Variants in SCAMP1 observed in about 807,000 individuals in gnomAD.
SCAMP1 encodes secretory carrier membrane protein 1.
A neutral mutation model predicts 41.8 loss-of-function variants in SCAMP1; 15 were observed. The ratio of observed to expected loss-of-function variants is 0.36; its 90% CI spans 0.24 to 0.55. The LOEUF (loss-of-function observed/expected upper bound fraction) is 0.55, where lower values mean the gene tolerates loss of function less well. Among genes scored for constraint, SCAMP1 ranks in the 20% least tolerant of loss-of-function variants. SCAMP1 has a pLI of 0.86. For missense variants in SCAMP1, 341 were observed against 412.6 expected (o/e 0.83, Z 1.50); for synonymous variants, 135 against 136.8 (o/e 0.99, Z 0.09).
At chr5:78,427,214 A>G (rs542650345) in intron 6 of SCAMP1, among the ~76,000 whole-genome samples, 1 of 152,296 alleles carries the variant, frequency 6.6e-6, no homozygotes, top group South Asian at 2.1e-4. Flanking sequence ...ATGTGAGTAG[A>G]GATCATGTGG....
chr5:78,377,786 T>C lies in SCAMP1; in HGVS notation c.58-11051T>C, dbSNP rs537192257. 1.1e-4 allele frequency among the ~76,000 whole-genome samples: 17 copies of C among 152,312 alleles called. No homozygotes were observed. In the East Asian group the frequency reaches 2.1e-3, roughly 19 times the overall value. ...TGATAGCAGCCTCACCTGTCACTTATTTGAGTCTTTCCCATGTGTGGAAAC... is the reference window on the plus strand; with the variant it reads ...TGATAGCAGCCTCACCTGTCACTTACTTGAGTCTTTCCCATGTGTGGAAAC... On this transcript the variant is annotated intron_variant, in intron 1 of 8. Coordinates refer to ENST00000621999, the MANE Select transcript of SCAMP1 (RefSeq NM_004866.6).
intron 2 of SCAMP1, 60 bp downstream of exon 2, chr5:78,388,974 C>A: frequency 2.3e-6 from 2 of 852,810 alleles, no homozygotes; most frequent in Admixed American, 2.8e-5. Flanking sequence ...TCTATTTTAA[C>A]TATGATTTCT....
intron 1 of SCAMP1, 119 bp downstream of exon 1, chr5:78,360,847 G>A (rs1750625397): frequency 2.0e-6 from 2 of 982,576 alleles, no homozygotes; most frequent in East Asian, 2.9e-5. Context: ...CCAGAGAGGG[G>A]CGCGGGGCCG....
intron 1 of SCAMP1, among the ~76,000 whole-genome samples, chr5:78,367,169 T>C (rs1289380598): frequency 6.6e-6 from 1 of 152,220 alleles, no homozygotes; most frequent in Non-Finnish European, 1.5e-5. Context: ...AAAGCACATA[T>C]TGAGCTGCTG....
At chr5:78,429,261 A>T (rs1752539153) in intron 6 of SCAMP1, among the ~76,000 whole-genome samples, 1 of 150,550 alleles carries the variant, frequency 6.6e-6, no homozygotes. Context: ...ATTAAGGATG[A>T]TATTGACTGT....
chr5:78,452,099 G>T (rs1408297658), intron 7 of SCAMP1, among the ~76,000 whole-genome samples: 1 of 151,994 alleles, frequency 6.6e-6, no homozygotes, highest in Non-Finnish European at 1.5e-5. Flanking sequence ...AGATTTTTGT[G>T]TGAACATAAT....
chr5:78,390,628 C>T (rs1053442261), intron 2 of SCAMP1, among the ~76,000 whole-genome samples: 1 of 148,786 alleles, frequency 6.7e-6, no homozygotes, highest in African/African-American at 2.5e-5. Flanking sequence ...TAAACTTTGT[C>T]GATAAAGAAT....
chr5:78,464,816 T>G, intron 8 of SCAMP1, among the ~76,000 whole-genome samples: 1 of 152,296 alleles, frequency 6.6e-6, no homozygotes, highest in South Asian at 2.1e-4. Flanking sequence ...ACCAGTATTA[T>G]GCCATTTTGT....
chr5:78,378,542 G>C (rs961283834), intron 1 of SCAMP1, among the ~76,000 whole-genome samples: 8 of 152,190 alleles, frequency 5.3e-5, no homozygotes, highest in African/African-American at 1.9e-4. Context: ...AACTAATTGT[G>C]CTAGATGTAA....
intron 1 of SCAMP1, among the ~76,000 whole-genome samples, chr5:78,367,677 A>G (rs1750832426): frequency 6.6e-6 from 1 of 152,198 alleles, no homozygotes; most frequent in Admixed American, 6.5e-5. Flanking sequence ...TCTTGACTGG[A>G]GACAGACCTA....
intron 2 of SCAMP1, among the ~76,000 whole-genome samples, chr5:78,400,156 G>T (rs892530505): frequency 6.6e-6 from 1 of 152,148 alleles, no homozygotes; most frequent in South Asian, 2.1e-4. Flanking sequence ...CCTTTGCTCA[G>T]TTGTCAAAGA....
Position 78,408,963 on chromosome 5 carries a change from C to G in SCAMP1, c.136-6557C>G, listed in dbSNP as rs370070464. Among the ~76,000 whole-genome samples the G allele has an allele frequency of 1.1e-4, 16 of 152,262 alleles. 1 individual carries two copies. The highest frequency in any genetic ancestry group is 9.7e-4 in the East Asian group (5 of 5,176). On this transcript the variant is annotated intron_variant, in intron 2 of 8. Transcript: ENST00000621999. ...TCCCTTTTTTCCTCCCTTCTACATC[C>G]AGAATTAAGGACAAGACATGGAGGT...
chr5:78,426,093 A>G (rs1158528459), intron 6 of SCAMP1, among the ~76,000 whole-genome samples: 1 of 151,896 alleles, frequency 6.6e-6, no homozygotes, highest in African/African-American at 2.4e-5. Flanking sequence ...TGGCTTCCAG[A>G]TTCCTCCATG....
chr5:78,400,933 A>G (rs1292083810), intron 2 of SCAMP1, among the ~76,000 whole-genome samples: 6 of 152,122 alleles, frequency 3.9e-5, no homozygotes, highest in African/African-American at 1.4e-4. Flanking sequence ...TTAGCTGGAA[A>G]GCTTCTAGTT....
Position 78,449,834 on chromosome 5 carries a change from C to G in SCAMP1, c.633-99C>G, listed in dbSNP as rs570274493. The G allele has an allele frequency of 1.8e-5, 12 of 671,672 alleles. No homozygotes were observed. In the East Asian group the frequency reaches 3.4e-4, roughly 19 times the overall value. The allele number at this position is 671,672 out of a possible 1,614,324, so 41.6% of individuals were successfully genotyped here. ...GTGCTTTTAAGGTTTGAATGTCATT[C>G]TGCAGGTAAATGTAAAGATAATGAG... On this transcript the variant is annotated intron_variant, in intron 6 of 8. Transcript: ENST00000621999.
intron 1 of SCAMP1, among the ~76,000 whole-genome samples, chr5:78,375,150 A>G (rs114383578): frequency 0.011 from 1,619 of 152,232 alleles, 36 homozygotes; most frequent in African/African-American, 0.037. Flanking sequence ...TGTTTAATCA[A>G]ATTGTCTAGT....
At chr5:78,409,215 C>T (rs745687883) in intron 2 of SCAMP1, among the ~76,000 whole-genome samples, 16 of 152,026 alleles carry the variant, frequency 1.1e-4, no homozygotes, top group Admixed American at 2.0e-4. Context: ...TTAGTAGTTC[C>T]TGCTTTCTTG....
intron 1 of SCAMP1, among the ~76,000 whole-genome samples, chr5:78,362,064 T>A (rs553089826): frequency 2.6e-5 from 4 of 152,184 alleles, no homozygotes; most frequent in Non-Finnish European, 5.9e-5. Context: ...TACCTTTCAG[T>A]GACATGGTTG....
rs1039138221 is a variant in SCAMP1 at position 78,480,081 on chromosome 5, C to T, written c.*4413C>T. 7.9e-5 allele frequency among the ~76,000 whole-genome samples: 12 copies of T among 151,924 alleles called. No individual in the cohort carries two copies. Among genetic ancestry groups the T allele is most frequent in the Admixed American group, 5.9e-4 (9 of 15,232 alleles). ...AAAAAGAATTTTCATTAGTGCTGGC[C>T]GTGTTTCAAATGGCAAGGGAACATG... On this transcript the variant is annotated 3_prime_UTR_variant, in exon 9 of 9. Transcript: ENST00000621999.
Sources: allele counts gnomAD v4.1 joint callset (sites outside exome capture counted in the v4.1 genomes callset), GRCh38; gene constraint gnomAD v4.1.1; transcripts MANE v1.5; gene names NCBI Gene and HGNC (gene_info 2026-07-23, HGNC 2026-07-21).